KMT2D: variants seen among roughly 807,000 people sequenced by gnomAD.
KMT2D encodes the protein lysine methyltransferase 2D.
A neutral mutation model predicts 512.7 loss-of-function variants in KMT2D; 55 were observed. The observed-to-expected ratio is 0.11, with a 90% CI of 0.09 to 0.13. The LOEUF (loss-of-function observed/expected upper bound fraction) is 0.13, where lower values mean the gene tolerates loss of function less well. KMT2D is among the 10% of genes least tolerant of loss of function. The pLI is 1.00. For synonymous variants in KMT2D, 2,995 were observed against 2,904.0 expected (o/e 1.03, Z -1.01); for missense variants, 6,061 against 7,127.9 (o/e 0.85, Z 5.39).
rs1417402311 is a variant in KMT2D, at chr12:49,039,382, G to C, written c.8230-24C>G. On this transcript the variant is annotated intron_variant, in intron 33 of 54. Coordinates refer to ENST00000301067, the MANE Select transcript of KMT2D (RefSeq NM_003482.4). The surrounding 1 kb of genome is among the most constrained non-coding windows in gnomAD (Gnocchi z 5.0). ...TCCTAGAAGAGACAAGGTAGATGAA[G>C]GTGGAGCAACCTTCAATATCCTGGC... 2.5e-6 allele frequency: 4 copies of C among 1,608,282 alleles called. No individual in the cohort carries two copies. Among genetic ancestry groups the C allele is most frequent in the Non-Finnish European group, 3.4e-6 (4 of 1,176,874 alleles).
In KMT2D at chr12:49,046,592, G is replaced by A. The variant is rs2120609075; in HGVS notation, c.4418+17C>T. 8 of 1,603,532 alleles carry A rather than the reference G, an allele frequency of 5.0e-6. No individual in the cohort carries two copies. Among genetic ancestry groups the A allele is most frequent in the Non-Finnish European group, 6.0e-6 (7 of 1,172,784 alleles). ...CTCAAGGCCCCAGGGCTCCACTGAA[G>A]ATCCCAGTCTCCTTACCACTTGCAC... On this transcript the variant is annotated intron_variant, in intron 16 of 54. Transcript: ENST00000301067. This position sits in a 1 kb window ranked among gnomAD's most constrained non-coding sequence, Gnocchi z 4.2.
Position 49,041,195 on chromosome 12 carries a change from G to A in KMT2D, c.6575C>T (p.Ala2192Val). 6.6e-7 allele frequency: 1 copy of A among 1,515,172 alleles called. No individual in the cohort carries two copies. Among genetic ancestry groups the A allele is most frequent in the South Asian group, 1.3e-5 (1 of 74,744 alleles). The allele number at this position is 1,515,172 out of a possible 1,614,324, so 93.9% of individuals were successfully genotyped here. A position where few individuals can be genotyped will look rare whatever the true frequency, so the allele number is the denominator to read the frequency against. ...AYPLEPRFPTAPPTYPPYPSP... is the reference protein window; with the variant it reads ...AYPLEPRFPTVPPTYPPYPSP... ...AGGATAGGGGGGATAGGTGGGCGGTGCCGTGGGGAAGCGGGGCTCCAGGGG... is the reference window on the plus strand; with the variant it reads ...AGGATAGGGGGGATAGGTGGGCGGTACCGTGGGGAAGCGGGGCTCCAGGGG... The change falls in exon 32 of 55, where the codon GCA (alanine) becomes GTA (valine). Residue 2192 changes from alanine (A) to valine (V), a missense_variant. Physicochemically the swap from Ala to Val is moderately conservative, Grantham distance 64. This residue lies in a region of KMT2D where 710 missense variants were observed against 647.3 expected (regional missense o/e 1.10). Transcript: ENST00000301067. The surrounding 1 kb of genome is among the most constrained non-coding windows in gnomAD (Gnocchi z 5.4).
intron 51 of KMT2D, among the ~76,000 whole-genome samples, chr12:49,023,077 C>T (rs1226646899): frequency 6.6e-6 from 1 of 152,090 alleles, no homozygotes. Context: ...CTACAGGGAC[C>T]CTTCTGACAC....
chr12:49,042,726 T>C lies in KMT2D; in HGVS notation c.5782+15A>G, dbSNP rs750077669. 4 of 1,611,724 alleles carry C rather than the reference T, an allele frequency of 2.5e-6. No individual in the cohort carries two copies. Among genetic ancestry groups the C allele is most frequent in the Non-Finnish European group, 3.4e-6 (4 of 1,178,346 alleles). On this transcript the variant is annotated intron_variant, in intron 27 of 54. Coordinates refer to ENST00000301067, the MANE Select transcript of KMT2D (RefSeq NM_003482.4). This position sits in a 1 kb window ranked among gnomAD's most constrained non-coding sequence, Gnocchi z 4.4. ...TTGGTTATGTCAGTCTTCAGACCAC[T>C]CCCACCTGTATTACCTTGAAGAAAG...
In KMT2D at chr12:49,039,764, A is replaced by C. The variant is rs372520829; in HGVS notation, c.8006T>G (p.Met2669Arg). 100 of 1,613,734 alleles carry C rather than the reference A, an allele frequency of 6.2e-5. No homozygotes were observed. The highest frequency in any genetic ancestry group is 8.1e-5 in the Non-Finnish European group (96 of 1,179,888). The stretch of plus-strand genomic sequence containing the variant: ...CAGCTCTGTTTGGCTAAGGCCGGAC[A>C]TGCCTGGGTCCTGGGTACCTGGGAG... ...AELPGTQDPG[M>R]SGLSQTELEK... The change falls in exon 32 of 55, where the codon ATG becomes AGG. Residue 2669 changes from methionine to arginine, a missense_variant. Transcript: ENST00000301067. This position sits in a 1 kb window ranked among gnomAD's most constrained non-coding sequence, Gnocchi z 5.0.
chr12:49,026,722 C>T lies in KMT2D; in HGVS notation c.15244G>A (p.Val5082Ile), dbSNP rs1197308353. Reference sequence around the variant, plus strand: ...GTTAGCAGTCCTCGGTGCAGGGCAACCTCCACATTCATCAGTGCCCCGCCC... The same window carrying T: ...GTTAGCAGTCCTCGGTGCAGGGCAATCTCCACATTCATCAGTGCCCCGCCC... ...TQGGALMNVEVALHRGLLTKC... is the reference protein window; with the variant it reads ...TQGGALMNVEIALHRGLLTKC... The change falls in exon 49 of 55, where the codon GTT (valine) becomes ATT (isoleucine). Residue 5082 changes from valine (V) to isoleucine (I), a missense_variant. Val to Ile is a conservative substitution (Grantham distance 29, BLOSUM62 3). Around this residue, in one of 16 missense-constraint regions of KMT2D, gnomAD observed 261 missense variants for 440.7 expected, o/e 0.59. Transcript: ENST00000301067. This position sits in a 1 kb window ranked among gnomAD's most constrained non-coding sequence, Gnocchi z 9.6. 2 of 1,614,006 alleles carry T rather than the reference C, an allele frequency of 1.2e-6. No individual in the cohort carries two copies. Among genetic ancestry groups the T allele is most frequent in the Non-Finnish European group, 1.7e-6 (2 of 1,179,878 alleles).
rs2120704701 is a variant in KMT2D, at chr12:49,054,116, C to T, written c.535G>A (p.Gly179Ser). ...GGTGAGCGGCAAGGGATGGAGGCACCGAGCCTGGTGCAGTGGGAGCAGCGC... is the reference window on the plus strand; with the variant it reads ...GGTGAGCGGCAAGGGATGGAGGCACTGAGCCTGGTGCAGTGGGAGCAGCGC... ...SQRCSHCTRL[G>S]ASIPCRSPGC... Residue 179 changes from glycine to serine, a missense_variant, in exon 6 of 55, where the codon GGT becomes AGT. This residue lies in a region of KMT2D where 160 missense variants were observed against 225.8 expected (regional missense o/e 0.71). Coordinates refer to ENST00000301067, the MANE Select transcript of KMT2D (RefSeq NM_003482.4). This position sits in a 1 kb window ranked among gnomAD's most constrained non-coding sequence, Gnocchi z 6.4. 1 of 1,611,616 alleles carries T rather than the reference C, an allele frequency of 6.2e-7. No homozygotes were observed. Among genetic ancestry groups the T allele is most frequent in the Non-Finnish European group, 8.5e-7 (1 of 1,178,830 alleles).
rs1185543446 is a variant in KMT2D at position 49,034,660 on chromosome 12, T to C, written c.10362A>G (p.Gln3454=). 1.2e-6 allele frequency: 2 copies of C among 1,612,858 alleles called. No homozygotes were observed. The highest frequency in any genetic ancestry group is 1.7e-6 in the Non-Finnish European group (2 of 1,179,526). The change falls in exon 37 of 55, where the codon CAA becomes CAG. Residue 3454 remains glutamine (Q), a synonymous_variant. Transcript: ENST00000301067. ...AGAGCCTCTGGGCTAGCAGAGACAC[T>C]TGCTGTCTGGAGTCCACCAAAGCAC... The part of the protein sequence containing the change: ...IGVAPGMNRQ[Q]VSLLAQRLSG...
At chr12:49,028,172 C>T in intron 46 of KMT2D, 31 bp from the exon 47 acceptor site, 1 of 1,613,526 alleles carries the variant, frequency 6.2e-7, no homozygotes, top group East Asian at 2.2e-5. Flanking sequence ...ATGGAAGAAA[C>T]ATATCAGCCA....
chr12:49,029,172 T>A lies in KMT2D; in HGVS notation c.14140A>T (p.Ile4714Phe), dbSNP rs1592110609. Residue 4714 changes from isoleucine (I) to phenylalanine (F), a missense_variant, in exon 45 of 55, where the codon ATC becomes TTC. Transcript: ENST00000301067. ...AAACGAGGGGCCTCCTCCCCCAAGA[T>A]GCTCTCAGGGGATGAAGCTGGCACA... ...SIVPASSPES[I>F]LGEEAPRFPH... 1.2e-6 allele frequency: 2 copies of A among 1,613,888 alleles called. No homozygotes were observed. Among genetic ancestry groups the A allele is most frequent in the South Asian group, 2.2e-5 (2 of 91,080 alleles).
At position 49,045,947 on chromosome 12, in the gene KMT2D, G is replaced by C. The variant is rs2120596769; in HGVS notation, c.4714C>G (p.Leu1572Val). The change falls in exon 19 of 55, where the codon CTG becomes GTG. Residue 1572 changes from leucine (L) to valine (V), a missense_variant. Leu to Val is a conservative substitution (Grantham distance 32). Coordinates refer to ENST00000301067, the MANE Select transcript of KMT2D (RefSeq NM_003482.4). ...GGCTCTTTCACCTTCATGGGCACCA[G>C]CTCTGGAGGTGCAACAGGCGCTATG... is the stretch of plus-strand genomic sequence containing the variant. ...KPVAPVAPPE[L>V]VPMKVKEPEP... The C allele has an allele frequency of 6.2e-7, 1 of 1,613,968 alleles. No individual in the cohort carries two copies. Among genetic ancestry groups the C allele is most frequent in the Non-Finnish European group, 8.5e-7 (1 of 1,179,854 alleles).
rs1592098072 is a variant in KMT2D, at chr12:49,021,954, A to G, written c.16522-82T>C. ...AGAGAAGATATGATCTGAGGTGCCCAGCCTAGGAATCCACATTTAGGGAAT... is the reference window on the plus strand; with the variant it reads ...AGAGAAGATATGATCTGAGGTGCCCGGCCTAGGAATCCACATTTAGGGAAT... On this transcript the variant is annotated intron_variant, in intron 54 of 54. Coordinates refer to ENST00000301067, the MANE Select transcript of KMT2D (RefSeq NM_003482.4). 6 of 1,555,300 alleles carry G rather than the reference A, an allele frequency of 3.9e-6. No homozygotes were observed. In the East Asian group the frequency reaches 1.3e-4, roughly 35 times the overall value.
In KMT2D at chr12:49,039,257, T is replaced by C. The variant is rs758356661; in HGVS notation, c.8331A>G (p.Pro2777=). 4 of 1,611,340 alleles carry C rather than the reference T, an allele frequency of 2.5e-6. No homozygotes were observed. The highest frequency in any genetic ancestry group is 3.4e-6 in the Non-Finnish European group (4 of 1,179,342). The change falls in exon 34 of 55, where the codon CCA becomes CCG. Residue 2777 remains proline (P), a synonymous_variant. Transcript: ENST00000301067. The surrounding 1 kb of genome is among the most constrained non-coding windows in gnomAD (Gnocchi z 5.0). ...CATCCATAGAGGAAGGCGTGGCTGGTGGAGGTGGCCGGGAGAGTCGGTCAT... is the reference window on the plus strand; with the variant it reads ...CATCCATAGAGGAAGGCGTGGCTGGCGGAGGTGGCCGGGAGAGTCGGTCAT... ...PSDDRLSRPP[P]PATPSSMDVN...
rs753893657 is a variant in KMT2D, at chr12:49,053,493, T to C, written c.822A>G (p.Lys274=). 1 of 1,610,554 alleles carries C rather than the reference T, an allele frequency of 6.2e-7. No individual in the cohort carries two copies. Among genetic ancestry groups the C allele is most frequent in the African/African-American group, 1.3e-5 (1 of 74,850 alleles). Residue 274 remains lysine, a synonymous_variant, in exon 7 of 55, where the codon AAA becomes AAG. Transcript: ENST00000301067. The part of the protein sequence containing the change: ...KRAGWQCPEC[K]VCQACRKPGN... Reference sequence around the variant, plus strand: ...ATTCCTACCTGCAGGCTTGGCACACTTTGCATTCAGGGCACTGCCAGCCAG... The same window carrying C: ...ATTCCTACCTGCAGGCTTGGCACACCTTGCATTCAGGGCACTGCCAGCCAG...
rs375363526 is a variant in KMT2D at position 49,052,388 on chromosome 12, G to A, written c.1295C>T (p.Ala432Val). ...CAGTGGCATCTCCTCGTTTAGGGGGGCCTCCAACTGGGGCTCAAGTTGGAC... is the reference window on the plus strand; with the variant it reads ...CAGTGGCATCTCCTCGTTTAGGGGGACCTCCAACTGGGGCTCAAGTTGGAC... ...AGVQLEPQLE[A>V]PLNEEMPLLP... is the part of the protein sequence containing the mutation. The change falls in exon 11 of 55, where the codon GCC becomes GTC. Residue 432 changes from alanine (A) to valine (V), a missense_variant. Around this residue, in one of 16 missense-constraint regions of KMT2D, gnomAD observed 848 missense variants for 838.5 expected, o/e 1.01. Coordinates refer to ENST00000301067, the MANE Select transcript of KMT2D (RefSeq NM_003482.4). The A allele has an allele frequency of 1.5e-5, 23 of 1,541,068 alleles. No individual in the cohort carries two copies. Among genetic ancestry groups the A allele is most frequent in the East Asian group, 2.3e-5 (1 of 44,308 alleles).
In KMT2D at chr12:49,030,718, G is replaced by A. The variant is rs757828561; in HGVS notation, c.13722C>T (p.Ser4574=). The A allele has an allele frequency of 6.2e-7, 1 of 1,613,736 alleles. No individual in the cohort carries two copies. Among genetic ancestry groups the A allele is most frequent in the East Asian group, 2.2e-5 (1 of 44,874 alleles). The change falls in exon 42 of 55, where the codon AGC becomes AGT. Residue 4574 remains serine, a synonymous_variant. Coordinates refer to ENST00000301067, the MANE Select transcript of KMT2D (RefSeq NM_003482.4). ...AGCCACTGCCAAAGGGGGCAAAGAG[G>A]CTAAAATTGGCGGTGATAGCAGGCT... ...LTEPAITANF[S]LFAPFGSGCP...
In KMT2D at chr12:49,018,978, T is replaced by C. The variant is rs1942150771; in HGVS notation, c.*2802A>G. The C allele has an allele frequency of 2.1e-6, 3 of 1,410,812 alleles. No individual in the cohort carries two copies. The Admixed American group carries it at 9.3e-5, about 44-fold the overall frequency. 87.4% of individuals were successfully genotyped at this position (1,410,812 alleles called of 1,614,324 possible). A position where few individuals can be genotyped will look rare whatever the true frequency, so the allele number is the denominator to read the frequency against. On this transcript the variant is annotated 3_prime_UTR_variant, in exon 55 of 55. Transcript: ENST00000301067. Reference sequence around the variant, plus strand: ...GAGGGTCATGGGACGGAGCCGCTTGTATTTAAAATGTTCTTTTTTTATTTG... The same window carrying C: ...GAGGGTCATGGGACGGAGCCGCTTGCATTTAAAATGTTCTTTTTTTATTTG...
intron 35 of KMT2D, among the ~76,000 whole-genome samples, chr12:49,036,783 A>C (rs1943245078): frequency 6.6e-6 from 1 of 152,124 alleles, no homozygotes; most frequent in Non-Finnish European, 1.5e-5. Flanking sequence ...TACAGGCATG[A>C]GCCATTGTGC....
chr12:49,024,431 G>T lies in KMT2D; in HGVS notation c.16052+147C>A. ...GGAAAAGGATACCCTACTAATACCT[G>T]CATGCCCTCTAATTAGGAAGTCTAA... On this transcript the variant is annotated intron_variant, in intron 51 of 54. Coordinates refer to ENST00000301067, the MANE Select transcript of KMT2D (RefSeq NM_003482.4). This position sits in a 1 kb window ranked among gnomAD's most constrained non-coding sequence, Gnocchi z 4.5. The T allele has an allele frequency of 2.0e-6, 2 of 1,016,244 alleles. No homozygotes were observed. The highest frequency in any genetic ancestry group is 2.8e-6 in the Non-Finnish European group (2 of 708,874). The allele number at this position is 1,016,244 out of a possible 1,614,324, so 63.0% of individuals were successfully genotyped here. A position where few individuals can be genotyped will look rare whatever the true frequency, so the allele number is the denominator to read the frequency against.
Sources: gnomAD v4.1 joint callset for allele counts (sites outside exome capture counted in the v4.1 genomes callset) on GRCh38, gnomAD v4.1.1 for gene constraint, gnomAD v4.1.1 regional missense constraint, Gnocchi (gnomAD v3.1) non-coding constraint, MANE v1.5 for transcripts, NCBI Gene and HGNC (gene_info 2026-07-23, HGNC 2026-07-21) for gene names.